The following RYR3 variants were observed in gnomAD, a reference collection of about 807,000 sequenced individuals.
RYR3 encodes the protein ryanodine receptor 3.
RYR3 carries 207 observed loss-of-function variants against 584.3 expected under a neutral mutation model. That is an observed-to-expected ratio of 0.35 (90% CI 0.32 to 0.40). RYR3 has a LOEUF of 0.40. Ranked by LOEUF, RYR3 falls within the 10% of genes least tolerant of loss-of-function variation. The pLI is 1.00. For missense variants in RYR3, 5,616 were observed against 6,089.2 expected (o/e 0.92, Z 2.59); for synonymous variants, 2,416 against 2,248.5 (o/e 1.07, Z -2.11).
At chr15:33,849,642 G>T (rs1263639219) in intron 94 of RYR3, 1 of 152,116 alleles carries the variant, frequency 6.6e-6, no homozygotes, top group Non-Finnish European at 1.5e-5. Context: ...AAAGAAATAG[G>T]GCCAAATAGT....
intron 43 of RYR3, among the ~76,000 whole-genome samples, chr15:33,712,469 A>G (rs1334486523): frequency 6.6e-6 from 1 of 152,178 alleles, no homozygotes; most frequent in Non-Finnish European, 1.5e-5. Flanking sequence ...TTGAGATGGA[A>G]GGTAATAAGC....
At position 33,603,187 on chromosome 15, in the gene RYR3, G is replaced by A. The variant is rs750313484; in HGVS notation, c.1987G>A (p.Glu663Lys). ...GSAQYKKWYF[E>K]LIIDQVDPFL... ...AGCCCAGTACAAGAAGTGGTACTTC[G>A]AGCTGATTATCGACCAGGTGGACCC... Residue 663 changes from glutamate (E) to lysine (K), a missense_variant, in exon 18 of 104, where the codon GAG (glutamate) becomes AAG (lysine). Around this residue, in one of 9 missense-constraint regions of RYR3, gnomAD observed 1,284 missense variants for 1,344.6 expected, o/e 0.95. Transcript: ENST00000634891. 7 of 1,613,868 alleles carry A rather than the reference G, an allele frequency of 4.3e-6. No homozygotes were observed. The Admixed American group carries it at 1.0e-4, about 23-fold the overall frequency.
At chr15:33,862,801 G>A (rs1218517131) in intron 102 of RYR3, among the ~76,000 whole-genome samples, 3 of 152,124 alleles carry the variant, frequency 2.0e-5, no homozygotes, top group Admixed American at 2.0e-4. Flanking sequence ...AGTAGAGACA[G>A]GGTTTCACCG....
intron 1 of RYR3, among the ~76,000 whole-genome samples, chr15:33,461,440 T>C (rs1208031476): frequency 3.3e-5 from 5 of 152,192 alleles, no homozygotes; most frequent in African/African-American, 9.7e-5. Flanking sequence ...GTAGATACTT[T>C]GGGTTCACAG....
chr15:33,724,787 A>G (rs2068220389), intron 45 of RYR3, among the ~76,000 whole-genome samples: 1 of 152,178 alleles, frequency 6.6e-6, no homozygotes, highest in South Asian at 2.1e-4. Context: ...TGCTTTTCCT[A>G]TGAAAAGCAA....
chr15:33,541,052 T>G (rs2055775343), intron 7 of RYR3, among the ~76,000 whole-genome samples, 162 bp downstream of exon 7: 1 of 152,140 alleles, frequency 6.6e-6, no homozygotes, highest in African/African-American at 2.4e-5. Flanking sequence ...CAGTACAGAT[T>G]ATTTTCTATT....
Position 33,736,258 on chromosome 15 carries a change from A to T in RYR3, c.7448A>T (p.Gln2483Leu), listed in dbSNP as rs2069451887. The change falls in exon 49 of 104, where the codon CAG (glutamine) becomes CTG (leucine). Residue 2483 changes from glutamine to leucine, a missense_variant. Around this residue, in one of 9 missense-constraint regions of RYR3, gnomAD observed 1,280 missense variants for 1,426.2 expected, o/e 0.90. Coordinates refer to ENST00000634891, the MANE Select transcript of RYR3 (RefSeq NM_001036.6). ...AGTCACTTGAGGCCTTCCATGTTAC[A>T]GCAACTCCTGCGACGCCTCGTTTTT... is the stretch of plus-strand genomic sequence containing the variant. ...ICNHLRPSML[Q>L]QLLRRLVFDV... 6.2e-7 allele frequency: 1 copy of T among 1,612,866 alleles called. No homozygotes were observed. Among genetic ancestry groups the T allele is most frequent in the Admixed American group, 1.7e-5 (1 of 59,980 alleles).
rs775783319 is a variant in RYR3 at position 33,635,632 on chromosome 15, A to G, written c.3194A>G (p.Lys1065Arg). Residue 1065 changes from lysine to arginine, a missense_variant, in exon 26 of 104, where the codon AAG (lysine) becomes AGG (arginine). Around this residue, in one of 9 missense-constraint regions of RYR3, gnomAD observed 1,284 missense variants for 1,344.6 expected, o/e 0.95. Transcript: ENST00000634891. ...DQELADSAVE[K>R]VSIDKIRFFR... ...ACAATAGCTGACTCGGCTGTGGAGAAGGTCAGCATAGACAAGATCCGATTT... is the reference window on the plus strand; with the variant it reads ...ACAATAGCTGACTCGGCTGTGGAGAGGGTCAGCATAGACAAGATCCGATTT... 6.2e-7 allele frequency: 1 copy of G among 1,613,804 alleles called. No individual in the cohort carries two copies. The highest frequency in any genetic ancestry group is 1.1e-5 in the South Asian group (1 of 90,972).
chr15:33,704,569 G>A (rs749847630), intron 42 of RYR3, among the ~76,000 whole-genome samples: 2 of 152,178 alleles, frequency 1.3e-5, no homozygotes. Context: ...AGAGACCTCA[G>A]CCAAACTCTG....
intron 67 of RYR3, among the ~76,000 whole-genome samples, chr15:33,794,451 G>A (rs1426224460): frequency 6.7e-6 from 1 of 149,248 alleles, no homozygotes; most frequent in Non-Finnish European, 1.5e-5. Flanking sequence ...CATCATTTTA[G>A]TCATTTCCCA....
At chr15:33,354,404 G>A (rs535973983) in intron 1 of RYR3, among the ~76,000 whole-genome samples, 3 of 152,284 alleles carry the variant, frequency 2.0e-5, no homozygotes, top group African/African-American at 7.2e-5. Flanking sequence ...GCACACACAA[G>A]TGCAAACATT....
intron 1 of RYR3, among the ~76,000 whole-genome samples, chr15:33,427,114 G>A (rs940974945): frequency 6.6e-6 from 1 of 152,190 alleles, no homozygotes; most frequent in Non-Finnish European, 1.5e-5. Context: ...TTACCAGCTG[G>A]AGAGGCCTCT....
intron 60 of RYR3, among the ~76,000 whole-genome samples, chr15:33,766,546 TTTTC>T (rs2073092758): frequency 6.6e-6 from 1 of 152,162 alleles, no homozygotes; most frequent in Non-Finnish European, 1.5e-5. Context: ...GGTGTGTCTG[TTTTC>T]TTTATCTACT....
chr15:33,446,749 C>T (rs1199534963), intron 1 of RYR3, among the ~76,000 whole-genome samples: 3 of 152,144 alleles, frequency 2.0e-5, no homozygotes, highest in Non-Finnish European at 4.4e-5. Flanking sequence ...ACAGTTCAGC[C>T]CATAATAGTA....
intron 12 of RYR3, among the ~76,000 whole-genome samples, chr15:33,575,829 G>A (rs1161039797): frequency 2.3e-5 from 1 of 44,332 alleles, no homozygotes; most frequent in Non-Finnish European, 4.8e-5. Flanking sequence ...TACAGGAGCT[G>A]GTTTTAAAAA....
rs541796926 is a variant in RYR3 at position 33,755,278 on chromosome 15, T to C, written c.8515+98T>C. On this transcript the variant is annotated intron_variant, in intron 58 of 103. Transcript: ENST00000634891. The stretch of plus-strand genomic sequence containing the variant: ...ACTTTTTATGATTCATTTAGGTGCA[T>C]GATTTTAGGGGGAAAACAGTGGCTG... The C allele has an allele frequency of 8.1e-5, 63 of 782,560 alleles. 1 individual carries two copies. The South Asian group carries it at 1.0e-3, about 13-fold the overall frequency. The allele number at this position is 782,560 out of a possible 1,614,324, so 48.5% of individuals were successfully genotyped here. A position where few individuals can be genotyped will look rare whatever the true frequency, so the allele number is the denominator to read the frequency against.
chr15:33,786,755 A>G (rs2074746602), intron 66 of RYR3, among the ~76,000 whole-genome samples: 2 of 152,176 alleles, frequency 1.3e-5, no homozygotes, highest in Admixed American at 6.5e-5. Flanking sequence ...CTTTACCCAT[A>G]TAATCTCCTG....
intron 1 of RYR3, among the ~76,000 whole-genome samples, chr15:33,432,697 T>TGTGTGTGTGTGTGTGTGTGTGTGTG (rs1555469372): frequency 3.4e-5 from 5 of 149,004 alleles, no homozygotes; most frequent in African/African-American, 1.3e-4. Flanking sequence ...TGTGTGTGTG[T>TGTGTGTGTGTGTGTGTGTGTGTGTG]TTAAAGTAGA....
intron 5 of RYR3, 114 bp from the exon 6 acceptor site, chr15:33,539,236 G>T (rs1194107664): frequency 7.6e-6 from 5 of 660,524 alleles, no homozygotes; most frequent in Non-Finnish European, 1.4e-5. Context: ...GGTCTGGAAT[G>T]TGCACTTGTT....
Sources: allele counts gnomAD v4.1 joint callset (sites outside exome capture counted in the v4.1 genomes callset), GRCh38; gene constraint gnomAD v4.1.1; regional missense constraint gnomAD v4.1.1; transcripts MANE v1.5; gene names NCBI Gene and HGNC (gene_info 2026-07-23, HGNC 2026-07-21).